HPSE2: variants seen among roughly 807,000 people sequenced by gnomAD.
HPSE2 encodes the protein heparanase 2 (inactive), also known as inactive heparanase-2.
In HPSE2, 38 loss-of-function variants were observed where a neutral mutation model predicts 60.5. That is an observed-to-expected ratio of 0.63 (90% CI 0.48 to 0.82). The LOEUF (loss-of-function observed/expected upper bound fraction) is 0.82, where lower values mean the gene tolerates loss of function less well. Among genes scored for constraint, HPSE2 ranks in the 40% least tolerant of loss-of-function variants. The pLI is 0.00. For synonymous variants in HPSE2, 295 were observed against 293.2 expected, an observed-to-expected ratio of 1.01 and a Z score of -0.06; for missense variants, 713 against 740.4, an observed-to-expected ratio of 0.96 and a Z score of 0.43.
At chr10:98,826,626 T>C (rs901763742) in intron 3 of HPSE2, among the ~76,000 whole-genome samples, 7 of 152,176 alleles carry the variant, frequency 4.6e-5, no homozygotes, top group African/African-American at 1.7e-4. Context: ...ATGCTTACTG[T>C]TGGTACCTAG....
chr10:98,747,861 A>G (rs1402120121), intron 3 of HPSE2, among the ~76,000 whole-genome samples: 1 of 152,200 alleles, frequency 6.6e-6, no homozygotes, highest in Non-Finnish European at 1.5e-5. Flanking sequence ...TTGGTACCGT[A>G]TCTTATATCC....
At chr10:99,158,924 T>C (rs886983998) in intron 2 of HPSE2, among the ~76,000 whole-genome samples, 8 of 152,118 alleles carry the variant, frequency 5.3e-5, no homozygotes, top group African/African-American at 1.7e-4. Flanking sequence ...ATAATTGCAC[T>C]AAATTTGAAT....
rs796709966 is a variant in HPSE2 at position 98,766,048 on chromosome 10, C to T, written c.611-21992G>A. 3.3e-5 allele frequency among the ~76,000 whole-genome samples: 5 copies of T among 151,898 alleles called. No individual in the cohort carries two copies. The South Asian group carries it at 6.2e-4, about 19-fold the overall frequency. On this transcript the variant is annotated intron_variant, in intron 3 of 11. Coordinates refer to ENST00000370552, the MANE Select transcript of HPSE2 (RefSeq NM_021828.5). ...TGATAAAACTCTAACAGACCAAAAA[C>T]GAGCTGAGAGACATACAAATTACCA... is the stretch of plus-strand genomic sequence containing the variant.
chr10:99,036,986 G>C lies in HPSE2; in HGVS notation c.610+107252C>G, dbSNP rs764611450. Among the ~76,000 whole-genome samples the C allele has an allele frequency of 2.0e-5, 3 of 152,056 alleles. No homozygotes were observed. The South Asian group carries it at 6.2e-4, about 31-fold the overall frequency. On this transcript the variant is annotated intron_variant, in intron 3 of 11. Transcript: ENST00000370552. ...CGCAGTAACTAAAAGAGCAAGATTA[G>C]TATCACTAAGAAGAAGAAATACTGG...
In HPSE2 at chr10:98,749,948, ACACACACACT is replaced by A. The variant is rs1565135144; in HGVS notation, c.611-5902_611-5893del. Among the ~76,000 whole-genome samples the A allele has an allele frequency of 2.8e-3, 17 of 6,076 alleles. No individual in the cohort carries two copies. In the Non-Finnish European group the frequency reaches 0.046, roughly 17 times the overall value. 4.0% of individuals were successfully genotyped at this position (6,076 alleles called of 152,430 possible). A position where few individuals can be genotyped will look rare whatever the true frequency, so the allele number is the denominator to read the frequency against. On this transcript the variant is annotated intron_variant, in intron 3 of 11. Transcript: ENST00000370552. ...TTAAACACTATATATATATATATAT[ACACACACACT>A]TACACACACATTTATATTGCAATGA...
chr10:98,611,381 G>A (rs976562812), intron 9 of HPSE2, among the ~76,000 whole-genome samples: 12 of 152,316 alleles, frequency 7.9e-5, no homozygotes, highest in African/African-American at 2.6e-4. Context: ...ACTGGGCAGG[G>A]GGAGGGGTAA....
chr10:98,535,660 G>A (rs139859217), intron 9 of HPSE2, among the ~76,000 whole-genome samples: 1 of 152,060 alleles, frequency 6.6e-6, no homozygotes, highest in African/African-American at 2.4e-5. Context: ...CTGAAAGCTT[G>A]GTTACCTGTT....
chr10:98,631,228 C>G (rs761918707), intron 7 of HPSE2, among the ~76,000 whole-genome samples: 2 of 152,080 alleles, frequency 1.3e-5, no homozygotes, highest in Non-Finnish European at 2.9e-5. Context: ...CTTGTTATCT[C>G]AAACCACAGA....
chr10:98,799,367 T>C (rs930689943), intron 3 of HPSE2, among the ~76,000 whole-genome samples: 5 of 152,262 alleles, frequency 3.3e-5, no homozygotes, highest in South Asian at 4.2e-4. Flanking sequence ...ACTTTCAGCA[T>C]TGGACAGATC....
chr10:99,299,585 A>G, the HPSE2 span, among the ~76,000 whole-genome samples: 154 of 152,290 alleles, frequency 1.0e-3, no homozygotes, highest in Non-Finnish European at 1.9e-3. Context: ...ATGCAGATGG[A>G]GTGGCTGTGC....
the HPSE2 span, among the ~76,000 whole-genome samples, chr10:99,279,813 A>T: frequency 6.6e-6 from 1 of 152,216 alleles, no homozygotes; most frequent in African/African-American, 2.4e-5. Flanking sequence ...AGACTAAATA[A>T]ATTCTCTATT....
chr10:99,025,337 T>A (rs1413452652), intron 3 of HPSE2, among the ~76,000 whole-genome samples: 1 of 152,114 alleles, frequency 6.6e-6, no homozygotes, highest in African/African-American at 2.4e-5. Context: ...AATCCAGCAA[T>A]CCCATTACTG....
At chr10:98,593,604 G>A (rs1233722643) in intron 9 of HPSE2, among the ~76,000 whole-genome samples, 2 of 152,198 alleles carry the variant, frequency 1.3e-5, no homozygotes, top group Non-Finnish European at 2.9e-5. Context: ...ACTGATGACA[G>A]AGACTAAAGT....
At chr10:98,734,932 A>G (rs114631898) in intron 4 of HPSE2, among the ~76,000 whole-genome samples, 3 of 150,088 alleles carry the variant, frequency 2.0e-5, no homozygotes, top group African/African-American at 4.9e-5. Context: ...AACACACACA[A>G]TTTCCCATTA....
intron 9 of HPSE2, among the ~76,000 whole-genome samples, chr10:98,512,082 T>A (rs930220987): frequency 4.6e-5 from 7 of 152,248 alleles, no homozygotes; most frequent in Non-Finnish European, 1.0e-4. Context: ...TTGCACCAGA[T>A]GTGGCAGGAT....
At chr10:99,229,105 T>C (rs1177212935) in intron 2 of HPSE2, among the ~76,000 whole-genome samples, 1 of 150,888 alleles carries the variant, frequency 6.6e-6, no homozygotes, top group African/African-American at 2.5e-5. Flanking sequence ...ACCTGGGAGG[T>C]AGAGATTGCA....
At chr10:98,579,146 G>T (rs1461364910) in intron 9 of HPSE2, among the ~76,000 whole-genome samples, 1 of 152,130 alleles carries the variant, frequency 6.6e-6, no homozygotes, top group African/African-American at 2.4e-5. Flanking sequence ...TGACTTAAAA[G>T]ACCCAGAATT....
the HPSE2 span, among the ~76,000 whole-genome samples, chr10:99,281,292 G>A: frequency 1.3e-5 from 2 of 148,192 alleles, no homozygotes; most frequent in South Asian, 4.2e-4. Context: ...CATTGTATAA[G>A]TAATATGTTA....
At chr10:98,558,936 C>A (rs10748739) in intron 9 of HPSE2, among the ~76,000 whole-genome samples, 1 of 151,988 alleles carries the variant, frequency 6.6e-6, no homozygotes, top group African/African-American at 2.4e-5. Flanking sequence ...AGGGTATACA[C>A]CATTCGCTAC....
Sources: allele counts gnomAD v4.1 joint callset (sites outside exome capture counted in the v4.1 genomes callset), GRCh38; gene constraint gnomAD v4.1.1; transcripts MANE v1.5; gene names NCBI Gene and HGNC (gene_info 2026-07-23, HGNC 2026-07-21).